The following PCDHGA3 variants were observed in gnomAD, a reference collection of about 807,000 sequenced individuals.
PCDHGA3 encodes protocadherin gamma subfamily A, 3.
Under a neutral mutation model 58.5 loss-of-function variants are expected in PCDHGA3, and 40 were observed. The observed-to-expected ratio is 0.68, with a 90% confidence interval of 0.53 to 0.89. The LOEUF (loss-of-function observed/expected upper bound fraction) is 0.89. PCDHGA3 is among the 40% of genes least tolerant of loss of function. The probability of loss-of-function intolerance (pLI) is 0.00; values close to 1 mark genes in which losing one functional copy is unlikely to be tolerated. For synonymous variants in PCDHGA3, 530 were observed against 525.7 expected (o/e 1.01, Z -0.11); for missense variants, 1,223 against 1,195.9 (o/e 1.02, Z -0.33).
chr5:141,409,462 C>T (rs377705841), intron 1 of PCDHGA3: 3 of 1,613,988 alleles, frequency 1.9e-6, no homozygotes, highest in Non-Finnish European at 2.5e-6. Flanking sequence ...AATACAATGT[C>T]ACCATCGTAG....
chr5:141,356,845 A>G (rs1760361286), intron 1 of PCDHGA3: 15 of 1,614,178 alleles, frequency 9.3e-6, no homozygotes, highest in Non-Finnish European at 1.2e-5. Context: ...TGTGTCACTG[A>G]GCCTCTTTGT....
intron 1 of PCDHGA3, chr5:141,360,700 C>G (rs532971055): frequency 6.2e-7 from 1 of 1,613,916 alleles, no homozygotes; most frequent in East Asian, 2.2e-5. Flanking sequence ...TCCAGATGGT[C>G]GTAAATATCC....
rs766168062 is a variant in PCDHGA3, at chr5:141,491,124, G to A, written c.2425-3683G>A. ...TCGTGTCTACACACACTGGTGAGGT[G>A]CGCACAGCCCGGGCCTTACTGGAGG... On this transcript the variant is annotated intron_variant, in intron 1 of 3. Transcript: ENST00000253812. The surrounding 1 kb of genome is among the most constrained non-coding windows in gnomAD (Gnocchi z 6.9). 22 of 1,614,092 alleles carry A rather than the reference G, an allele frequency of 1.4e-5. No individual in the cohort carries two copies. The highest frequency in any genetic ancestry group is 3.3e-5 in the Admixed American group (2 of 60,004).
intron 1 of PCDHGA3, chr5:141,478,812 A>C: frequency 1.4e-6 from 2 of 1,453,554 alleles, no homozygotes; most frequent in Non-Finnish European, 1.8e-6. Context: ...TTGCTATCAC[A>C]ACTAACCAAT....
intron 1 of PCDHGA3, chr5:141,410,428 C>A (rs376561050): frequency 5.0e-6 from 8 of 1,613,906 alleles, no homozygotes; most frequent in African/African-American, 1.3e-5. Flanking sequence ...TTCCCCCCAA[C>A]TACAGTGAGG....
chr5:141,486,100 C>G lies in PCDHGA3; in HGVS notation c.2425-8707C>G. Reference sequence around the variant, plus strand: ...AGCTTACTCTTTTGGGGCCCCTAGACTTTGAGAGTGAGAATTACTATGAAT... The same window carrying G: ...AGCTTACTCTTTTGGGGCCCCTAGAGTTTGAGAGTGAGAATTACTATGAAT... On this transcript the variant is annotated intron_variant, in intron 1 of 3. Transcript: ENST00000253812. This position sits in a 1 kb window ranked among gnomAD's most constrained non-coding sequence, Gnocchi z 5.0. 1 of 1,614,190 alleles carries G rather than the reference C, an allele frequency of 6.2e-7. No individual in the cohort carries two copies. The highest frequency in any genetic ancestry group is 1.1e-5 in the South Asian group (1 of 91,086).
rs757269142 is a variant in PCDHGA3, at chr5:141,351,775, G to A, written c.2424+5318G>A. 11 of 1,613,472 alleles carry A rather than the reference G, an allele frequency of 6.8e-6. No individual in the cohort carries two copies. The South Asian group carries it at 1.2e-4, about 18-fold the overall frequency. ...TGTTGTCCTACGTGTCCGTGAGCCC[G>A]CAGAGCGGGGTGGTGTTCGCGCAGC... On this transcript the variant is annotated intron_variant, in intron 1 of 3. Coordinates refer to ENST00000253812, the MANE Select transcript of PCDHGA3 (RefSeq NM_018916.4).
At chr5:141,350,108 C>T in intron 1 of PCDHGA3, 1 of 536,896 alleles carries the variant, frequency 1.9e-6, no homozygotes, top group Non-Finnish European at 2.9e-6. Flanking sequence ...TGCCTTCCTG[C>T]TTTGTCCGGT....
In PCDHGA3 at chr5:141,409,805, C is replaced by G. The variant is rs751397816; in HGVS notation, c.2424+63348C>G. ...CGCCTTCGCGCTCACGCTGCAGGCC[C>G]GCGACCACGGCTCGCCCACGCTCAG... On this transcript the variant is annotated intron_variant, in intron 1 of 3. Coordinates refer to ENST00000253812, the MANE Select transcript of PCDHGA3 (RefSeq NM_018916.4). 8 of 1,611,512 alleles carry G rather than the reference C, an allele frequency of 5.0e-6. No individual in the cohort carries two copies. In the African/African-American group the frequency reaches 5.3e-5, roughly 11 times the overall value.
chr5:141,443,172 C>T (rs1454734622), intron 1 of PCDHGA3, among the ~76,000 whole-genome samples: 1 of 152,176 alleles, frequency 6.6e-6, no homozygotes, highest in Non-Finnish European at 1.5e-5. Flanking sequence ...CTACCCATGT[C>T]CACTGCATCA....
intron 1 of PCDHGA3, among the ~76,000 whole-genome samples, chr5:141,353,830 G>A (rs1007675238): frequency 6.6e-6 from 1 of 152,088 alleles, no homozygotes; most frequent in East Asian, 1.9e-4. Flanking sequence ...CAGTTTGTGC[G>A]GTCTTTGAGG....
At chr5:141,408,667 C>G in intron 1 of PCDHGA3, 1 of 1,613,954 alleles carries the variant, frequency 6.2e-7, no homozygotes, top group Non-Finnish European at 8.5e-7. Context: ...TATCGCTTGA[C>G]CCTGCCACGG....
rs1160642304 is a variant in PCDHGA3 at position 141,415,415 on chromosome 5, T to C, written c.2424+68958T>C. 7 of 1,614,084 alleles carry C rather than the reference T, an allele frequency of 4.3e-6. No individual in the cohort carries two copies. In the Admixed American group the frequency reaches 8.3e-5, roughly 19 times the overall value. Reference sequence around the variant, plus strand: ...GTGTCCGGCTCGCACTTTGTGGGCGTGGACGGGGTTCGGGCTTTCCTGCAG... The same window carrying C: ...GTGTCCGGCTCGCACTTTGTGGGCGCGGACGGGGTTCGGGCTTTCCTGCAG... On this transcript the variant is annotated intron_variant, in intron 1 of 3. Coordinates refer to ENST00000253812, the MANE Select transcript of PCDHGA3 (RefSeq NM_018916.4).
chr5:141,385,979 A>T (rs1561609878), intron 1 of PCDHGA3: 1 of 152,222 alleles, frequency 6.6e-6, no homozygotes, highest in South Asian at 2.1e-4. Flanking sequence ...AAAACCAATA[A>T]AATATGTCAA....
Position 141,393,006 on chromosome 5 carries a change from C to T in PCDHGA3, c.2424+46549C>T, listed in dbSNP as rs182052960. On this transcript the variant is annotated intron_variant, in intron 1 of 3. Coordinates refer to ENST00000253812, the MANE Select transcript of PCDHGA3 (RefSeq NM_018916.4). ...CCGGAAGCTGGCGAAGCACGGAGTC[C>T]GTATCGTCTCCAGAGGTAGGACGCA... is the stretch of plus-strand genomic sequence containing the variant. 3.5e-3 allele frequency: 5,649 copies of T among 1,613,866 alleles called. 26 individuals are homozygous for T. The highest frequency in any genetic ancestry group is 4.1e-3 in the Non-Finnish European group (4,855 of 1,179,884).
Position 141,491,078 on chromosome 5 carries a change from C to G in PCDHGA3, c.2425-3729C>G, listed in dbSNP as rs1386717886. The G allele has an allele frequency of 5.6e-6, 9 of 1,614,194 alleles. No homozygotes were observed. Among genetic ancestry groups the G allele is most frequent in the East Asian group, 4.5e-5 (2 of 44,882 alleles). ...CTCTCCTACTCACTGTTGCCACAGTCCACAGCCCCAGGACTGTTCCTCGTG... is the reference window on the plus strand; with the variant it reads ...CTCTCCTACTCACTGTTGCCACAGTGCACAGCCCCAGGACTGTTCCTCGTG... On this transcript the variant is annotated intron_variant, in intron 1 of 3. Transcript: ENST00000253812. This position sits in a 1 kb window ranked among gnomAD's most constrained non-coding sequence, Gnocchi z 6.9.
At chr5:141,417,030 T>G (rs1460954160) in intron 1 of PCDHGA3, 1 of 86,454 alleles carries the variant, frequency 1.2e-5, no homozygotes, top group East Asian at 2.9e-4. Flanking sequence ...AAATACAGGT[T>G]TTTTTTTTAA....
chr5:141,395,788 C>A (rs1254748153), intron 1 of PCDHGA3: 2 of 152,198 alleles, frequency 1.3e-5, no homozygotes, highest in African/African-American at 4.8e-5. Context: ...AACTTTAATA[C>A]TTCTTACCAT....
chr5:141,355,816 G>T (rs1759996030), intron 1 of PCDHGA3: 1 of 1,613,048 alleles, frequency 6.2e-7, no homozygotes, highest in South Asian at 1.1e-5. Context: ...CGAGGAAGAG[G>T]CGGTTCACCA....
Sources: gnomAD v4.1 joint callset for allele counts (sites outside exome capture counted in the v4.1 genomes callset) on GRCh38, gnomAD v4.1.1 for gene constraint, Gnocchi (gnomAD v3.1) non-coding constraint, MANE v1.5 for transcripts, NCBI Gene and HGNC (gene_info 2026-07-23, HGNC 2026-07-21) for gene names.